Variants in DAGLB observed in about 807,000 individuals in gnomAD.
The protein encoded by DAGLB is diacylglycerol lipase-beta.
A neutral mutation model predicts 72.1 loss-of-function variants in DAGLB; 66 were observed. The ratio of observed to expected loss-of-function variants is 0.92; its 90% CI spans 0.75 to 1.12. DAGLB has a LOEUF of 1.12. Among genes scored for constraint, DAGLB ranks in the 50% most tolerant of loss-of-function variants. DAGLB has a pLI of 0.00. For synonymous variants in DAGLB, 414 were observed against 359.5 expected, an observed-to-expected ratio of 1.15 and a Z score of -1.71; for missense variants, 1,065 against 884.9, an observed-to-expected ratio of 1.20 and a Z score of -2.58.
intron 9 of DAGLB, among the ~76,000 whole-genome samples, chr7:6,420,757 A>C (rs905592156): frequency 9.2e-5 from 14 of 152,112 alleles, no homozygotes; most frequent in African/African-American, 2.7e-4. Context: ...CAAAACTAGA[A>C]ACCCCTACCC....
At chr7:6,413,299 C>T (rs1164537851) in intron 11 of DAGLB, among the ~76,000 whole-genome samples, 1 of 152,168 alleles carries the variant, frequency 6.6e-6, no homozygotes. Context: ...ATGGATCTGT[C>T]CTTTGACCCA....
chr7:6,438,041 A>C (rs184199835), intron 2 of DAGLB, among the ~76,000 whole-genome samples: 55 of 152,336 alleles, frequency 3.6e-4, no homozygotes, highest in Non-Finnish European at 2.5e-4. Context: ...GGATGAGTTC[A>C]TGTCCTTTGT....
intron 2 of DAGLB, among the ~76,000 whole-genome samples, chr7:6,438,809 A>C (rs917840416): frequency 2.6e-5 from 4 of 152,120 alleles, no homozygotes; most frequent in Admixed American, 6.6e-5. Context: ...GGAGTTCGAG[A>C]CCACGCTGGG....
At position 6,432,287 on chromosome 7, in the gene DAGLB, G is replaced by A. The variant is rs375242331; in HGVS notation, c.801+550C>T. Among the ~76,000 whole-genome samples, 17 of 149,674 alleles carry A rather than the reference G, an allele frequency of 1.1e-4. 1 individual carries two copies. In the East Asian group the frequency reaches 3.0e-3, roughly 27 times the overall value. On this transcript the variant is annotated intron_variant, in intron 5 of 14. Coordinates refer to ENST00000297056, the MANE Select transcript of DAGLB (RefSeq NM_139179.4). ...GAATCACCCGGGAGGTGGAAGTTGT[G>A]GTGAGCCAATTGTGTCATTGCACTC...
rs576882117 is a variant in DAGLB at position 6,428,733 on chromosome 7, C to T, written c.929+1747G>A. Among the ~76,000 whole-genome samples, 402 of 152,208 alleles carry T rather than the reference C, an allele frequency of 2.6e-3. 2 individuals are homozygous for T. Among genetic ancestry groups the T allele is most frequent in the Middle Eastern group, 0.01 (3 of 294 alleles). Reference sequence around the variant, plus strand: ...AACTCCTGACCTCAGGTGATCAGCCCGCCTTGGCCTCCCAAAGTGCTGGGA... The same window carrying T: ...AACTCCTGACCTCAGGTGATCAGCCTGCCTTGGCCTCCCAAAGTGCTGGGA... On this transcript the variant is annotated intron_variant, in intron 6 of 14. Coordinates refer to ENST00000297056, the MANE Select transcript of DAGLB (RefSeq NM_139179.4).
At chr7:6,412,048 G>A (rs979733821) in intron 13 of DAGLB, among the ~76,000 whole-genome samples, 1 of 151,962 alleles carries the variant, frequency 6.6e-6, no homozygotes, top group African/African-American at 2.4e-5. Flanking sequence ...CCAAGTAGCT[G>A]GGATTACAGG....
In DAGLB at chr7:6,410,363, G is replaced by A. The variant is rs775847806; in HGVS notation, c.1587C>T (p.His529=). 5.6e-5 allele frequency: 91 copies of A among 1,612,670 alleles called. No homozygotes were observed. Among genetic ancestry groups the A allele is most frequent in the Non-Finnish European group, 6.4e-5 (76 of 1,179,338 alleles). ...CTCCAAACAGTTCGTACCACAAACC[G>A]TGCAGCAAGATCTTGTACTGAGGGC... The part of the protein sequence containing the change: ...CNKPKYKILL[H]GLWYELFGGN... The change falls in exon 14 of 15, where the codon CAC becomes CAT. Residue 529 remains histidine, a synonymous_variant. Coordinates refer to ENST00000297056, the MANE Select transcript of DAGLB (RefSeq NM_139179.4).
At position 6,412,801 on chromosome 7, in the gene DAGLB, A is replaced by AAGCTGT; in HGVS notation, c.1569+9_1569+10insACAGCT. 1 of 1,575,972 alleles carries AAGCTGT rather than the reference A, an allele frequency of 6.3e-7. No individual in the cohort carries two copies. Among genetic ancestry groups the AAGCTGT allele is most frequent in the Non-Finnish European group, 8.6e-7 (1 of 1,158,082 alleles). ...GTCCTGCTGACCCTCTCAACAAGGC[A>AAGCTGT]CCCGCTTACCTTGGGTTTATTGCAG... On this transcript the variant is annotated intron_variant, in intron 13 of 14. Coordinates refer to ENST00000297056, the MANE Select transcript of DAGLB (RefSeq NM_139179.4).
At position 6,435,000 on chromosome 7, in the gene DAGLB, G is replaced by C. The variant is rs1320331149; in HGVS notation, c.440C>G (p.Thr147Arg). The C allele has an allele frequency of 1.2e-6, 2 of 1,613,578 alleles. No individual in the cohort carries two copies. Residue 147 changes from threonine to arginine, a missense_variant, in exon 4 of 15, where the codon ACA becomes AGA. Thr to Arg is a moderately conservative substitution (Grantham distance 71). Transcript: ENST00000297056. ...VVVSWIIIAA[T>R]VVSIIIVFDP... ...AAAGACAATGATAATGGAAACCACT[G>C]TGGCAGCGATGATGATCCAACTGCA...
chr7:6,437,420 C>G (rs977721741), intron 2 of DAGLB, among the ~76,000 whole-genome samples: 1 of 152,056 alleles, frequency 6.6e-6, no homozygotes, highest in African/African-American at 2.4e-5. Context: ...AACTGAAGCT[C>G]AGAGAGCGTA....
At chr7:6,430,132 G>C (rs933541480) in intron 6 of DAGLB, among the ~76,000 whole-genome samples, 1 of 151,496 alleles carries the variant, frequency 6.6e-6, no homozygotes, top group African/African-American at 2.4e-5. Flanking sequence ...TTGAGCCTGG[G>C]AGACGGAGGT....
chr7:6,443,566 T>C (rs1398200754), intron 2 of DAGLB, among the ~76,000 whole-genome samples: 2 of 152,200 alleles, frequency 1.3e-5, no homozygotes, highest in African/African-American at 2.4e-5. Flanking sequence ...CTTTTTCTCA[T>C]GAAAGATGTT....
chr7:6,423,407 C>T (rs836519), intron 8 of DAGLB, among the ~76,000 whole-genome samples: 58,305 of 151,834 alleles, frequency 0.38, 14,619 homozygotes, highest in African/African-American at 0.69. Flanking sequence ...GCAGACAGGG[C>T]GCACAGAAAC....
At position 6,436,290 on chromosome 7, in the gene DAGLB, G is replaced by A. The variant is rs1347867620; in HGVS notation, c.419+72C>T. The A allele has an allele frequency of 7.9e-6, 12 of 1,524,742 alleles. No homozygotes were observed. The East Asian group carries it at 2.1e-4, about 26-fold the overall frequency. The allele number at this position is 1,524,742 out of a possible 1,614,324, so 94.5% of individuals were successfully genotyped here. ...AAGTCCGAGGGACGCTGGACTCTCT[G>A]TCATGTTAGAAGGGTTTGTTCACCT... On this transcript the variant is annotated intron_variant, in intron 3 of 14. Coordinates refer to ENST00000297056, the MANE Select transcript of DAGLB (RefSeq NM_139179.4).
In DAGLB at chr7:6,416,658, A is replaced by C. The variant is rs1783927139; in HGVS notation, c.1396T>G (p.Tyr466Asp). 6.2e-7 allele frequency: 1 copy of C among 1,613,220 alleles called. No homozygotes were observed. The highest frequency in any genetic ancestry group is 1.1e-5 in the South Asian group (1 of 90,996). The change falls in exon 11 of 15, where the codon TAC (tyrosine) becomes GAC (aspartate). Residue 466 changes from tyrosine (Y) to aspartate (D), a missense_variant. Transcript: ENST00000297056. ...AGCCCCCGGGGTGGGGAGAAGGCGTAGCACCTGACCTGCGGGTAGGCGGCT... is the reference window on the plus strand; with the variant it reads ...AGCCCCCGGGGTGGGGAGAAGGCGTCGCACCTGACCTGCGGGTAGGCGGCT... ...LRAAYPQVRC[Y>D]AFSPPRGLWS...
At position 6,412,895 on chromosome 7, in the gene DAGLB, AG is replaced by A; in HGVS notation, c.1497-13del. ...TGGTCACACTGAGCCTGTTTAGCAA[AG>A]GGGCACACTGAGGCTGGGACCTGGC... On this transcript the variant is annotated splice_polypyrimidine_tract_variant and intron_variant, in intron 12 of 14. Coordinates refer to ENST00000297056, the MANE Select transcript of DAGLB (RefSeq NM_139179.4). 1 of 1,611,268 alleles carries A rather than the reference AG, an allele frequency of 6.2e-7. No homozygotes were observed. The highest frequency in any genetic ancestry group is 8.5e-7 in the Non-Finnish European group (1 of 1,178,680).
At chr7:6,410,596 G>A (rs1476287208) in intron 13 of DAGLB, among the ~76,000 whole-genome samples, 2 of 152,162 alleles carry the variant, frequency 1.3e-5, no homozygotes, top group Non-Finnish European at 2.9e-5. Context: ...CATGAGTGTG[G>A]GCTCTCTCTT....
chr7:6,435,904 C>T (rs1784640360), intron 3 of DAGLB, among the ~76,000 whole-genome samples: 1 of 152,110 alleles, frequency 6.6e-6, no homozygotes, highest in Admixed American at 6.6e-5. Flanking sequence ...TGGATCATCT[C>T]TAAGATTTTT....
At chr7:6,441,177 G>A (rs1562489452) in intron 2 of DAGLB, among the ~76,000 whole-genome samples, 1 of 147,292 alleles carries the variant, frequency 6.8e-6, no homozygotes, top group African/African-American at 2.5e-5. Context: ...TGCAAGCTCC[G>A]CCTCCCAGGT....
Sources: gnomAD v4.1 joint callset for allele counts (sites outside exome capture counted in the v4.1 genomes callset) on GRCh38, gnomAD v4.1.1 for gene constraint, MANE v1.5 for transcripts, NCBI Gene and HGNC (gene_info 2026-07-23, HGNC 2026-07-21) for gene names.